MIOS: variants seen among roughly 807,000 people sequenced by gnomAD.
MIOS encodes GATOR2 complex protein MIOS.
In MIOS, 52 loss-of-function variants were observed where a neutral mutation model predicts 96.9. The ratio of observed to expected loss-of-function variants is 0.54; its 90% confidence interval spans 0.43 to 0.68. The LOEUF is 0.68. Ranked by LOEUF, MIOS falls within the 30% of genes least tolerant of loss-of-function variation. MIOS has a pLI of 0.00. For missense variants in MIOS, 1,005 were observed against 1,052.8 expected, an observed-to-expected ratio of 0.95 and a Z score of 0.63; for synonymous variants, 397 against 359.5, an observed-to-expected ratio of 1.10 and a Z score of -1.18.
intron 9 of MIOS, among the ~76,000 whole-genome samples, chr7:7,590,929 C>T (rs1412307329): frequency 2.6e-5 from 4 of 152,196 alleles, no homozygotes; most frequent in African/African-American, 9.6e-5. Flanking sequence ...TTCATTTACA[C>T]ATCCATTCCT....
chr7:7,588,137 G>A (rs1406933526), intron 7 of MIOS, among the ~76,000 whole-genome samples: 2 of 152,104 alleles, frequency 1.3e-5, no homozygotes, highest in Non-Finnish European at 2.9e-5. Context: ...GATTTCCTTA[G>A]TTCTCTAAAA....
At chr7:7,584,753 TAAAAGTC>T (rs921554406) in intron 6 of MIOS, among the ~76,000 whole-genome samples, 21 of 152,244 alleles carry the variant, frequency 1.4e-4, no homozygotes, top group African/African-American at 4.8e-4. Context: ...AGAAAATACT[TAAAAGTC>T]AAAGTTAAAG....
intron 9 of MIOS, among the ~76,000 whole-genome samples, chr7:7,590,695 A>G (rs1463615759): frequency 2.0e-5 from 3 of 151,826 alleles, no homozygotes; most frequent in Non-Finnish European, 4.4e-5. Flanking sequence ...TATTGCCTCT[A>G]TTGGCTTTTT....
intron 5 of MIOS, among the ~76,000 whole-genome samples, chr7:7,580,873 G>A (rs1201969196): frequency 6.6e-6 from 1 of 150,412 alleles, no homozygotes; most frequent in African/African-American, 2.4e-5. Flanking sequence ...TTTTAGTAGA[G>A]ACCGGGTTTT....
Position 7,585,630 on chromosome 7 carries a change from A to G in MIOS, c.1649-6A>G, listed in dbSNP as rs761298778. 12 of 1,574,960 alleles carry G rather than the reference A, an allele frequency of 7.6e-6. No homozygotes were observed. ...CTTTGATTAGCTGGCTGTTTTTAAT[A>G]TGCAGGAGATCTGAATCTCAATGTG... On this transcript the variant is annotated splice_region_variant and splice_polypyrimidine_tract_variant and intron_variant, in intron 6 of 12. Transcript: ENST00000340080.
chr7:7,567,142 T>C (rs1160662302), intron 1 of MIOS, 70 bp downstream of exon 1: 2 of 152,028 alleles, frequency 1.3e-5, no homozygotes, highest in African/African-American at 2.4e-5. Flanking sequence ...GGGCCGGAGA[T>C]AGCCTAGTTG....
Position 7,596,414 on chromosome 7 carries a change from G to A in MIOS, c.2354G>A (p.Cys785Tyr). 1 of 1,614,122 alleles carries A rather than the reference G, an allele frequency of 6.2e-7. No individual in the cohort carries two copies. The highest frequency in any genetic ancestry group is 8.5e-7 in the Non-Finnish European group (1 of 1,180,026). Reference sequence around the variant, plus strand: ...GGCTGTCGAAAACCACTTCCTCGATGTGCGCTTTGTCTCATTAATATGGGA... The same window carrying A: ...GGCTGTCGAAAACCACTTCCTCGATATGCGCTTTGTCTCATTAATATGGGA... ...CPGCRKPLPR[C>Y]ALCLINMGTP... The change falls in exon 11 of 13, where the codon TGT becomes TAT. Residue 785 changes from cysteine to tyrosine, a missense_variant. By Grantham distance (194) the Cys-to-Tyr change is radical (BLOSUM62 -2). Coordinates refer to ENST00000340080, the MANE Select transcript of MIOS (RefSeq NM_019005.4).
Position 7,572,635 on chromosome 7 carries a change from C to T in MIOS, c.160C>T (p.Leu54=). ...RLSEDSAATL[L]SINSDTPYMK... ...ATCTGAAGACTCTGCAGCTACATTACTGTCAATAAATTCAGATACACCCTA... is the reference window on the plus strand; with the variant it reads ...ATCTGAAGACTCTGCAGCTACATTATTGTCAATAAATTCAGATACACCCTA... The change falls in exon 4 of 13, where the codon CTG becomes TTG. Residue 54 remains leucine (L), a synonymous_variant. Transcript: ENST00000340080. This position sits in a 1 kb window ranked among gnomAD's most constrained non-coding sequence, Gnocchi z 4.8. 1 of 1,614,132 alleles carries T rather than the reference C, an allele frequency of 6.2e-7. No individual in the cohort carries two copies. The highest frequency in any genetic ancestry group is 2.2e-5 in the East Asian group (1 of 44,878).
At chr7:7,592,426 C>T (rs555271823) in intron 9 of MIOS, among the ~76,000 whole-genome samples, 1 of 152,280 alleles carries the variant, frequency 6.6e-6, no homozygotes, top group East Asian at 1.9e-4. Flanking sequence ...CAGTCCCCAA[C>T]CTTTTTGCCC....
intron 9 of MIOS, among the ~76,000 whole-genome samples, chr7:7,593,898 AAAAG>A (rs1784125013): frequency 7.4e-5 from 11 of 148,654 alleles, no homozygotes; most frequent in Non-Finnish European, 1.5e-4. Flanking sequence ...AAAAAAAAGA[AAAAG>A]AAAAGAAAAA....
intron 9 of MIOS, 135 bp downstream of exon 9, chr7:7,589,698 C>T (rs73340625): frequency 1.1e-6 from 1 of 877,804 alleles, no homozygotes; most frequent in African/African-American, 1.7e-5. Context: ...ATCAGTTGAT[C>T]TACTGAAGAC....
At chr7:7,602,452 C>T (rs1387752829) in intron 11 of MIOS, among the ~76,000 whole-genome samples, 2 of 152,130 alleles carry the variant, frequency 1.3e-5, no homozygotes, top group African/African-American at 2.4e-5. Flanking sequence ...AGAGCCAAAT[C>T]ATGAGTGAAC....
Position 7,588,509 on chromosome 7 carries a change from A to G in MIOS, c.1830A>G (p.Lys610=). 6.3e-7 allele frequency: 1 copy of G among 1,582,458 alleles called. No individual in the cohort carries two copies. The highest frequency in any genetic ancestry group is 8.6e-7 in the Non-Finnish European group (1 of 1,162,888). ...TCTCTTCTTTCCAGTATGAAAACAA[A>G]GTTGCAGTACGTGACAGAGTGGCAT... is the stretch of plus-strand genomic sequence containing the variant. ...GSYDGVLYEN[K]VAVRDRVAFA... is the part of the protein sequence containing the mutation. Residue 610 remains lysine (K), a synonymous_variant, in exon 8 of 13, where the codon AAA becomes AAG. Transcript: ENST00000340080.
chr7:7,594,481 GAC>G (rs1477733036), intron 9 of MIOS, among the ~76,000 whole-genome samples: 1 of 152,088 alleles, frequency 6.6e-6, no homozygotes, highest in African/African-American at 2.4e-5. Context: ...TTTTACTAGA[GAC>G]AGGGTTTCAC....
At chr7:7,592,371 T>G (rs1300859256) in intron 9 of MIOS, among the ~76,000 whole-genome samples, 1 of 152,236 alleles carries the variant, frequency 6.6e-6, no homozygotes, top group Non-Finnish European at 1.5e-5. Context: ...TCAGTTATTG[T>G]GCTTTTCAGT....
In MIOS at chr7:7,606,902, A is replaced by G. The variant is rs868595823; in HGVS notation, c.2532-94A>G. On this transcript the variant is annotated intron_variant, in intron 12 of 12. Coordinates refer to ENST00000340080, the MANE Select transcript of MIOS (RefSeq NM_019005.4). ...AAAGTGTGCGTACAGCCTGGGAAAT[A>G]TAGGGAGACCCTGTCTCTTAAAAAA... 75 of 1,002,092 alleles carry G rather than the reference A, an allele frequency of 7.5e-5. No homozygotes were observed. In the African/African-American group the frequency reaches 1.0e-3, roughly 14 times the overall value. 62.1% of individuals were successfully genotyped at this position (1,002,092 alleles called of 1,614,324 possible). A position where few individuals can be genotyped will look rare whatever the true frequency, so the allele number is the denominator to read the frequency against.
intron 11 of MIOS, among the ~76,000 whole-genome samples, chr7:7,601,188 G>C (rs1784366895): frequency 6.6e-6 from 1 of 152,000 alleles, no homozygotes; most frequent in Non-Finnish European, 1.5e-5. Context: ...ACATTGAAAA[G>C]CTAGCAAAAG....
intron 7 of MIOS, among the ~76,000 whole-genome samples, chr7:7,587,164 C>G (rs889240752): frequency 6.6e-6 from 1 of 151,996 alleles, no homozygotes; most frequent in African/African-American, 2.4e-5. Context: ...GCATGCACCA[C>G]CATGCCGGCT....
intron 11 of MIOS, among the ~76,000 whole-genome samples, chr7:7,597,550 T>G (rs1784252844): frequency 7.2e-6 from 1 of 139,456 alleles, no homozygotes; most frequent in Non-Finnish European, 1.6e-5. Context: ...AATGTACATT[T>G]TAGTTTTGAT....
Sources: allele counts gnomAD v4.1 joint callset (sites outside exome capture counted in the v4.1 genomes callset), GRCh38; gene constraint gnomAD v4.1.1; non-coding constraint Gnocchi (gnomAD v3.1); transcripts MANE v1.5; gene names NCBI Gene and HGNC (gene_info 2026-07-23, HGNC 2026-07-21).